The following ABL2 variants were observed in gnomAD, a reference collection of about 807,000 sequenced individuals.
ABL2 encodes ABL proto-oncogene 2, non-receptor tyrosine kinase, also known as tyrosine-protein kinase ABL2.
A neutral mutation model predicts 107.7 loss-of-function variants in ABL2; 49 were observed. The ratio of observed to expected loss-of-function variants is 0.45; its 90% confidence interval spans 0.36 to 0.58. The LOEUF (loss-of-function observed/expected upper bound fraction) is 0.58, where lower values mean the gene tolerates loss of function less well. Among genes scored for constraint, ABL2 ranks in the 20% least tolerant of loss-of-function variants. The probability of loss-of-function intolerance (pLI) is 0.00; values close to 1 mark genes in which losing one functional copy is unlikely to be tolerated. For missense variants in ABL2, 1,245 were observed against 1,457.0 expected, an observed-to-expected ratio of 0.85 and a Z score of 2.37; for synonymous variants, 549 against 548.6, an observed-to-expected ratio of 1.00 and a Z score of -0.01.
At chr1:179,198,045 C>T (rs746886349) in intron 1 of ABL2, among the ~76,000 whole-genome samples, 1 of 151,150 alleles carries the variant, frequency 6.6e-6, no homozygotes, top group African/African-American at 2.4e-5. Context: ...TGGTGGCACA[C>T]GTCTATAGTC....
At chr1:179,164,974 A>G (rs764138076) in intron 1 of ABL2, among the ~76,000 whole-genome samples, 1 of 152,208 alleles carries the variant, frequency 6.6e-6, no homozygotes, top group Non-Finnish European at 1.5e-5. Flanking sequence ...ATGAACAATA[A>G]AATAGAATAA....
chr1:179,183,864 A>G, intron 1 of ABL2: 1 of 216,818 alleles, frequency 4.6e-6, no homozygotes. Context: ...GCTAGTCTCC[A>G]CGCCCACCTC....
intron 1 of ABL2, among the ~76,000 whole-genome samples, chr1:179,165,988 G>C (rs971442473): frequency 5.3e-5 from 8 of 151,972 alleles, no homozygotes; most frequent in South Asian, 2.1e-4. Context: ...GTAGAGACGG[G>C]GTTTTACCAT....
intron 7 of ABL2, among the ~76,000 whole-genome samples, chr1:179,117,770 T>C (rs1006584839): frequency 7.9e-5 from 12 of 152,040 alleles, no homozygotes; most frequent in Admixed American, 3.9e-4. Context: ...AGGTGAGCAA[T>C]AGATGCTTTT....
At chr1:179,169,838 C>T (rs1180759813) in intron 1 of ABL2, among the ~76,000 whole-genome samples, 1 of 151,780 alleles carries the variant, frequency 6.6e-6, no homozygotes, top group Non-Finnish European at 1.5e-5. Flanking sequence ...TAAGACCAGC[C>T]TGAACAACAA....
rs761660878 is a variant in ABL2 at position 179,108,167 on chromosome 1, C to T, written c.3100G>A (p.Gly1034Arg). 1 of 1,614,220 alleles carries T rather than the reference C, an allele frequency of 6.2e-7. No individual in the cohort carries two copies. The highest frequency in any genetic ancestry group is 8.5e-7 in the Non-Finnish European group (1 of 1,180,036). ...KAALGAVPIS[G>R]KAGRPVMPPP... is the part of the protein sequence containing the mutation. ...GGCATCACTGGCCTCCCAGCTTTCC[C>T]ACTGATGGGCACTGCGCCCAGAGCT... Residue 1034 changes from glycine to arginine, a missense_variant, in exon 12 of 12, where the codon GGG becomes AGG. Coordinates refer to ENST00000502732, the MANE Select transcript of ABL2 (RefSeq NM_007314.4).
chr1:179,117,284 TAA>T (rs56346584), intron 8 of ABL2, 46 bp downstream of exon 8: 2 of 1,261,484 alleles, frequency 1.6e-6, no homozygotes, highest in Non-Finnish European at 2.2e-6. Flanking sequence ...AAGGCATTTA[TAA>T]AAAAAAAAAT....
rs1298594682 is a variant in ABL2, at chr1:179,109,430, C to T, written c.1837G>A (p.Gly613Ser). 4 of 1,610,242 alleles carry T rather than the reference C, an allele frequency of 2.5e-6. No individual in the cohort carries two copies. Among genetic ancestry groups the T allele is most frequent in the African/African-American group, 2.7e-5 (2 of 74,550 alleles). The change falls in exon 12 of 12, where the codon GGT becomes AGT. Residue 613 changes from glycine (G) to serine (S), a missense_variant. Transcript: ENST00000502732. ...ASSLAPGFIR[G>S]AQASSGSPAL... ...GGGGATCCACTAGAGGCCTGTGCAC[C>T]TCTGATGAACCCTGATGAGAAATGG...
intron 1 of ABL2, among the ~76,000 whole-genome samples, chr1:179,147,181 CAAAAA>C (rs58297805): frequency 5.9e-5 from 3 of 50,528 alleles, no homozygotes; most frequent in African/African-American, 7.6e-5. Context: ...CAGAGAAATG[CAAAAA>C]AAAAAAAAAA....
intron 5 of ABL2, among the ~76,000 whole-genome samples, chr1:179,121,250 A>AT (rs1228642098): frequency 6.6e-6 from 1 of 152,240 alleles, no homozygotes; most frequent in Non-Finnish European, 1.5e-5. Flanking sequence ...AAAGAGGCCC[A>AT]TGACTCTCAG....
chr1:179,127,891 G>T (rs769051047), intron 3 of ABL2, among the ~76,000 whole-genome samples: 5 of 151,872 alleles, frequency 3.3e-5, no homozygotes, highest in Non-Finnish European at 5.9e-5. Flanking sequence ...AAATTAGCCG[G>T]GTGTGATAGT....
intron 1 of ABL2, among the ~76,000 whole-genome samples, chr1:179,213,569 A>G (rs2124832910): frequency 6.6e-6 from 1 of 152,236 alleles, no homozygotes; most frequent in African/African-American, 2.4e-5. Flanking sequence ...CCAAACTGCT[A>G]GGATTACAGG....
intron 1 of ABL2, chr1:179,184,636 G>T (rs551514266): frequency 1.0e-4 from 53 of 508,400 alleles, no homozygotes; most frequent in Admixed American, 5.9e-4. Context: ...GGATGAGGAA[G>T]AAGATGATGA....
Position 179,229,332 on chromosome 1 carries a change from G to T in ABL2, c.66C>A (p.Ile22=). ...PGLQQPQPRG[I]RGSSAARPSG... is the part of the protein sequence containing the mutation. ...AGGGCCTGGCTGCACTGCTGCCCCG[G>T]ATCCCGCGGGGCTGAGGCTGCTGGA... The change falls in exon 1 of 12, where the codon ATC becomes ATA. Residue 22 remains isoleucine, a synonymous_variant. Coordinates refer to ENST00000502732, the MANE Select transcript of ABL2 (RefSeq NM_007314.4). 1 of 1,584,630 alleles carries T rather than the reference G, an allele frequency of 6.3e-7. No homozygotes were observed. The highest frequency in any genetic ancestry group is 2.4e-5 in the East Asian group (1 of 42,516).
At chr1:179,197,444 C>A (rs1448268085) in intron 1 of ABL2, among the ~76,000 whole-genome samples, 1 of 151,816 alleles carries the variant, frequency 6.6e-6, no homozygotes, top group Non-Finnish European at 1.5e-5. Flanking sequence ...ACTTTGAGGG[C>A]CCTTTTACCC....
intron 1 of ABL2, among the ~76,000 whole-genome samples, chr1:179,223,064 C>G (rs1325951770): frequency 6.9e-6 from 1 of 145,372 alleles, no homozygotes; most frequent in Non-Finnish European, 1.5e-5. Flanking sequence ...GAGCCAAGAT[C>G]GCGCCACTGC....
At chr1:179,177,837 T>C (rs1346283515) in intron 1 of ABL2, among the ~76,000 whole-genome samples, 1 of 152,176 alleles carries the variant, frequency 6.6e-6, no homozygotes, top group Non-Finnish European at 1.5e-5. Context: ...AAAATTGCTA[T>C]TAAAATTTCT....
At chr1:179,117,625 A>C in intron 7 of ABL2, 109 bp from the exon 8 acceptor site, 1 of 1,045,270 alleles carries the variant, frequency 9.6e-7, no homozygotes, top group South Asian at 1.5e-5. Context: ...AAGTGCTGAC[A>C]AATATGGTAG....
intron 1 of ABL2, among the ~76,000 whole-genome samples, chr1:179,170,325 T>A (rs1659646397): frequency 6.6e-6 from 1 of 152,176 alleles, no homozygotes; most frequent in South Asian, 2.1e-4. Flanking sequence ...AGCAATTACG[T>A]TTCCAACATG....
Sources: gnomAD v4.1 joint callset for allele counts (sites outside exome capture counted in the v4.1 genomes callset) on GRCh38, gnomAD v4.1.1 for gene constraint, MANE v1.5 for transcripts, NCBI Gene and HGNC (gene_info 2026-07-23, HGNC 2026-07-21) for gene names.